ZNF804B: variants seen among roughly 807,000 people sequenced by gnomAD.
ZNF804B encodes zinc finger protein 804B.
ZNF804B carries 80 observed loss-of-function variants against 101.4 expected under a neutral mutation model. The observed-to-expected ratio is 0.79, with a 90% CI of 0.66 to 0.95. The LOEUF (loss-of-function observed/expected upper bound fraction) is 0.95. ZNF804B is among the 40% of genes least tolerant of loss of function. The pLI, the probability that ZNF804B is intolerant of heterozygous loss-of-function variation, is 0.00. For missense variants in ZNF804B, 1,673 were observed against 1,561.9 expected, an observed-to-expected ratio of 1.07 and a Z score of -1.20; for synonymous variants, 622 against 558.8, an observed-to-expected ratio of 1.11 and a Z score of -1.59.
At chr7:89,207,310 G>A (rs748369208) in intron 1 of ZNF804B, among the ~76,000 whole-genome samples, 1 of 152,190 alleles carries the variant, frequency 6.6e-6, no homozygotes, top group Non-Finnish European at 1.5e-5. Context: ...ACATGGCTGG[G>A]GAGGCCTCAC....
Position 88,896,452 on chromosome 7 carries a change from G to A in ZNF804B, c.108+136368G>A, listed in dbSNP as rs10269401. Among the ~76,000 whole-genome samples, 1,104 of 152,234 alleles carry A rather than the reference G, an allele frequency of 7.3e-3. 13 individuals are homozygous for A. Among genetic ancestry groups the A allele is most frequent in the African/African-American group, 0.026 (1,061 of 41,538 alleles). ...TTTGGGATATTGATTACTTCTGGCAGGGGAGGGAAAGAAATAAGGCACATG... is the reference window on the plus strand; with the variant it reads ...TTTGGGATATTGATTACTTCTGGCAAGGGAGGGAAAGAAATAAGGCACATG... On this transcript the variant is annotated intron_variant, in intron 1 of 3. Transcript: ENST00000333190.
chr7:88,939,054 TAGAA>T (rs1452795887), intron 1 of ZNF804B, among the ~76,000 whole-genome samples: 2 of 152,004 alleles, frequency 1.3e-5, no homozygotes, highest in African/African-American at 4.8e-5. Context: ...AATAGTAAAG[TAGAA>T]AGATAGAATG....
intron 1 of ZNF804B, among the ~76,000 whole-genome samples, chr7:89,038,271 A>G (rs1178031909): frequency 2.0e-5 from 3 of 152,170 alleles, no homozygotes; most frequent in Admixed American, 6.6e-5. Context: ...ATACTAATTT[A>G]CATTTCTACC....
intron 1 of ZNF804B, among the ~76,000 whole-genome samples, chr7:89,133,652 A>G (rs1297532811): frequency 6.6e-6 from 1 of 152,062 alleles, no homozygotes; most frequent in Non-Finnish European, 1.5e-5. Flanking sequence ...GAAGACAGTG[A>G]TTGCTCCTAA....
chr7:88,950,210 C>G (rs1793196781), intron 1 of ZNF804B, among the ~76,000 whole-genome samples: 1 of 151,786 alleles, frequency 6.6e-6, no homozygotes, highest in South Asian at 2.1e-4. Context: ...AGAAATATTT[C>G]CATGTTGTTT....
chr7:89,245,950 T>C (rs1789438841), intron 2 of ZNF804B, among the ~76,000 whole-genome samples: 1 of 152,124 alleles, frequency 6.6e-6, no homozygotes, highest in African/African-American at 2.4e-5. Flanking sequence ...TGGAGCTAAC[T>C]TGGGGAGAGG....
intron 2 of ZNF804B, among the ~76,000 whole-genome samples, chr7:89,286,423 C>T (rs1790196853): frequency 6.6e-6 from 1 of 152,120 alleles, no homozygotes; most frequent in African/African-American, 2.4e-5. Flanking sequence ...TGAAAGCCAC[C>T]AAGCCTGAAA....
At position 89,026,188 on chromosome 7, in the gene ZNF804B, A is replaced by G. The variant is rs181670540; in HGVS notation, c.109-191967A>G. On this transcript the variant is annotated intron_variant, in intron 1 of 3. Transcript: ENST00000333190. ...CTCAGGAAGCTACAATGTTCTAGGC[A>G]TGAATATAACAAAATTGGCAATAGT... is the stretch of plus-strand genomic sequence containing the variant. Among the ~76,000 whole-genome samples, 323 of 152,316 alleles carry G rather than the reference A, an allele frequency of 2.1e-3. 4 individuals are homozygous for G. Among genetic ancestry groups the G allele is most frequent in the African/African-American group, 7.5e-3 (310 of 41,584 alleles).
At chr7:88,838,219 T>C (rs1438692479) in intron 1 of ZNF804B, among the ~76,000 whole-genome samples, 2 of 151,990 alleles carry the variant, frequency 1.3e-5, no homozygotes, top group African/African-American at 4.8e-5. Context: ...ATTCTTTTGT[T>C]TGTAAGGAAA....
intron 1 of ZNF804B, chr7:88,794,596 C>T: frequency 6.2e-7 from 1 of 1,613,426 alleles, no homozygotes; most frequent in Non-Finnish European, 8.5e-7. Flanking sequence ...TTTGACATGG[C>T]CAATATAATC....
At chr7:88,773,869 C>T (rs893566394) in intron 1 of ZNF804B, among the ~76,000 whole-genome samples, 1 of 152,032 alleles carries the variant, frequency 6.6e-6, no homozygotes, top group Non-Finnish European at 1.5e-5. Context: ...ATCATGAGGA[C>T]AGCACAAAGC....
chr7:88,781,470 AG>A (rs1442570006), intron 1 of ZNF804B, among the ~76,000 whole-genome samples: 1 of 152,164 alleles, frequency 6.6e-6, no homozygotes, highest in Admixed American at 6.5e-5. Context: ...AACATTCTTG[AG>A]GTCACCCAGG....
chr7:88,847,855 G>C (rs554920598), intron 1 of ZNF804B, among the ~76,000 whole-genome samples: 4 of 152,200 alleles, frequency 2.6e-5, no homozygotes, highest in African/African-American at 9.6e-5. Flanking sequence ...TTGGTTCTTA[G>C]TTGGTTTGTT....
intron 1 of ZNF804B, among the ~76,000 whole-genome samples, chr7:88,864,292 C>A (rs1010048712): frequency 6.6e-5 from 10 of 152,260 alleles, no homozygotes; most frequent in African/African-American, 2.4e-4. Context: ...ATGAATGAGA[C>A]AACGAATATA....
intron 1 of ZNF804B, among the ~76,000 whole-genome samples, chr7:89,092,899 T>A (rs1370847289): frequency 2.0e-5 from 3 of 152,196 alleles, no homozygotes; most frequent in Non-Finnish European, 2.9e-5. Context: ...AAGATCTGGG[T>A]GCTAGATGTA....
chr7:89,334,503 A>G lies in ZNF804B; in HGVS notation c.1521A>G (p.Glu507=). The change falls in exon 4 of 4, where the codon GAA becomes GAG. Residue 507 remains glutamate, a synonymous_variant. Coordinates refer to ENST00000333190, the MANE Select transcript of ZNF804B (RefSeq NM_181646.5). ...LKTELGKKPL[E]LKTKRESQVS... is the part of the protein sequence containing the mutation. ...CAGAATTGGGTAAGAAGCCCTTGGA[A>G]TTGAAGACTAAAAGAGAGAGCCAAG... 6.2e-7 allele frequency: 1 copy of G among 1,613,778 alleles called. No homozygotes were observed. Among genetic ancestry groups the G allele is most frequent in the Non-Finnish European group, 8.5e-7 (1 of 1,179,836 alleles).
chr7:89,118,066 T>G (rs1247408715), intron 1 of ZNF804B, among the ~76,000 whole-genome samples: 1 of 152,184 alleles, frequency 6.6e-6, no homozygotes, highest in East Asian at 1.9e-4. Flanking sequence ...AAGGAACAGC[T>G]AATCTTAGAC....
intron 1 of ZNF804B, among the ~76,000 whole-genome samples, chr7:88,959,230 G>A (rs557595988): frequency 5.7e-4 from 86 of 151,468 alleles, no homozygotes; most frequent in African/African-American, 2.0e-3. Flanking sequence ...AGTGTTTATG[G>A]CAAGTTTACC....
intron 1 of ZNF804B, among the ~76,000 whole-genome samples, chr7:88,802,207 CAATT>C (rs1790602972): frequency 6.6e-6 from 1 of 152,074 alleles, no homozygotes; most frequent in Admixed American, 6.6e-5. Context: ...AACTGTGAGT[CAATT>C]AAACATCTTT....
Sources: allele counts gnomAD v4.1 joint callset (sites outside exome capture counted in the v4.1 genomes callset), GRCh38; gene constraint gnomAD v4.1.1; transcripts MANE v1.5; gene names NCBI Gene and HGNC (gene_info 2026-07-23, HGNC 2026-07-21).